Variants in SKIC3 observed in about 807,000 individuals in gnomAD.
The protein encoded by SKIC3 is superkiller complex protein 3.
the SKIC3 span, among the ~76,000 whole-genome samples, chr5:95,487,869 A>C: frequency 6.6e-6 from 1 of 152,180 alleles, no homozygotes; most frequent in African/African-American, 2.4e-5. Flanking sequence ...TAGGGGAAAA[A>C]TTCAAAATAT....
the SKIC3 span, chr5:95,513,702 T>C: frequency 7.8e-6 from 12 of 1,530,118 alleles, no homozygotes; most frequent in Non-Finnish European, 1.1e-5. Flanking sequence ...ACAATAATAA[T>C]ACAAAATGAA....
the SKIC3 span, among the ~76,000 whole-genome samples, chr5:95,507,661 A>AT: frequency 6.6e-6 from 1 of 152,174 alleles, no homozygotes; most frequent in South Asian, 2.1e-4. Context: ...GCCAAGAAAG[A>AT]TTTTTTATCT....
At chr5:95,482,332 A>T in the SKIC3 span, 27 of 913,996 alleles carry the variant, frequency 3.0e-5, no homozygotes, top group Non-Finnish European at 4.4e-5. Context: ...CTCTAACCAC[A>T]ATACCTTTTA....
At chr5:95,493,393 T>C in the SKIC3 span, among the ~76,000 whole-genome samples, 1 of 152,174 alleles carries the variant, frequency 6.6e-6, no homozygotes, top group Non-Finnish European at 1.5e-5. Flanking sequence ...CTTTCTAAAG[T>C]TTATGTCCTT....
chr5:95,524,366 C>T, the SKIC3 span: 1 of 1,514,998 alleles, frequency 6.6e-7, no homozygotes, highest in Admixed American at 1.8e-5. Flanking sequence ...GCACAAAAAA[C>T]AGTTCAGTAA....
At chr5:95,537,849 T>C in the SKIC3 span, among the ~76,000 whole-genome samples, 1 of 152,188 alleles carries the variant, frequency 6.6e-6, no homozygotes, top group Non-Finnish European at 1.5e-5. Context: ...AAAGCCATAA[T>C]GTAATTCAAT....
At chr5:95,467,947 C>T in the SKIC3 span, 52 of 1,613,446 alleles carry the variant, frequency 3.2e-5, no homozygotes, top group Middle Eastern at 3.3e-4. Context: ...ATTTGGGATA[C>T]CCAGGCTGAT....
the SKIC3 span, chr5:95,537,173 C>A: frequency 1.3e-6 from 2 of 1,553,200 alleles, no homozygotes; most frequent in South Asian, 2.2e-5. Context: ...TCATCTGTAT[C>A]ATACTTAAAT....
the SKIC3 span, chr5:95,516,289 TGAG>T: frequency 1.9e-6 from 3 of 1,567,702 alleles, no homozygotes; most frequent in Non-Finnish European, 2.6e-6. Flanking sequence ...GCTGAGCTAT[TGAG>T]GAGACAATAA....
chr5:95,500,688 T>A, the SKIC3 span, among the ~76,000 whole-genome samples: 1 of 152,182 alleles, frequency 6.6e-6, no homozygotes, highest in African/African-American at 2.4e-5. Context: ...AACACTGAGA[T>A]GCAATCTAAC....
chr5:95,467,931 C>A, the SKIC3 span: 1 of 1,613,552 alleles, frequency 6.2e-7, no homozygotes, highest in Non-Finnish European at 8.5e-7. Context: ...GCAGTTGATG[C>A]AATAGATTTG....
the SKIC3 span, among the ~76,000 whole-genome samples, chr5:95,533,435 A>C: frequency 6.6e-6 from 1 of 152,172 alleles, no homozygotes; most frequent in African/African-American, 2.4e-5. Flanking sequence ...AGTCGGGTTT[A>C]GAGGAGCAGT....
At chr5:95,554,477 T>A in the SKIC3 span, among the ~76,000 whole-genome samples, 2 of 152,146 alleles carry the variant, frequency 1.3e-5, no homozygotes, top group African/African-American at 2.4e-5. Flanking sequence ...TAACTGAACA[T>A]GTCACACAGC....
At chr5:95,546,339 G>GAAA in the SKIC3 span, among the ~76,000 whole-genome samples, 20 of 57,514 alleles carry the variant, frequency 3.5e-4, no homozygotes, top group African/African-American at 1.4e-3. Context: ...CCCACCATGA[G>GAAA]AAAAAAAAAA....
chr5:95,503,010 C>T, the SKIC3 span: 1 of 1,613,798 alleles, frequency 6.2e-7, no homozygotes, highest in Non-Finnish European at 8.5e-7. Flanking sequence ...TAGGCTGTTA[C>T]ATAGAAGTGA....
At chr5:95,529,122 C>A in the SKIC3 span, 45 of 1,609,776 alleles carry the variant, frequency 2.8e-5, no homozygotes, top group South Asian at 4.9e-4. Flanking sequence ...TAAAAACAAT[C>A]ACAAAAAACA....
the SKIC3 span, among the ~76,000 whole-genome samples, chr5:95,470,274 G>A: frequency 2.0e-5 from 3 of 152,066 alleles, no homozygotes; most frequent in Non-Finnish European, 4.4e-5. Flanking sequence ...CACCGCGCCC[G>A]GCCAACAATT....
At chr5:95,517,148 T>C in the SKIC3 span, 1 of 1,613,408 alleles carries the variant, frequency 6.2e-7, no homozygotes, top group South Asian at 1.1e-5. Context: ...CAAATTACCT[T>C]CCTCCAAGGT....
At chr5:95,509,818 C>T in the SKIC3 span, 1 of 675,876 alleles carries the variant, frequency 1.5e-6, no homozygotes, top group African/African-American at 1.8e-5. Context: ...AGAATAGTGG[C>T]CTGATTTTAT....
Sources: gnomAD v4.1 joint callset for allele counts (sites outside exome capture counted in the v4.1 genomes callset) on GRCh38, gnomAD v4.1.1 for gene constraint, MANE v1.5 for transcripts, NCBI Gene and HGNC (gene_info 2026-07-23, HGNC 2026-07-21) for gene names.